The following STK32A variants were observed in gnomAD, a reference collection of about 807,000 sequenced individuals.
STK32A encodes serine/threonine kinase 32A, also known as serine/threonine-protein kinase 32A.
Under a neutral mutation model 53.2 loss-of-function variants are expected in STK32A, and 41 were observed. That is an observed-to-expected ratio of 0.77 (90% CI 0.60 to 1.00). The LOEUF (loss-of-function observed/expected upper bound fraction) is 1.00, where lower values mean the gene tolerates loss of function less well. Among genes scored for constraint, STK32A ranks in the 50% least tolerant of loss-of-function variants. STK32A has a pLI of 0.00. For synonymous variants in STK32A, 166 were observed against 162.8 expected, an observed-to-expected ratio of 1.02 and a Z score of -0.15; for missense variants, 458 against 485.8, an observed-to-expected ratio of 0.94 and a Z score of 0.54.
At chr5:147,350,055 G>A (rs1755885589) in intron 6 of STK32A, among the ~76,000 whole-genome samples, 1 of 151,442 alleles carries the variant, frequency 6.6e-6, no homozygotes, top group Non-Finnish European at 1.5e-5. Context: ...AGATTGCAGT[G>A]AGCCGAGAGC....
chr5:147,267,075 G>T (rs1242271673), intron 2 of STK32A, among the ~76,000 whole-genome samples: 1 of 150,220 alleles, frequency 6.7e-6, no homozygotes, highest in Non-Finnish European at 1.5e-5. Context: ...CTGAAACAAA[G>T]GTAATTCATC....
At chr5:147,268,019 G>A (rs1411649138) in intron 2 of STK32A, among the ~76,000 whole-genome samples, 1 of 152,056 alleles carries the variant, frequency 6.6e-6, no homozygotes, top group Non-Finnish European at 1.5e-5. Flanking sequence ...AGATTCCCAG[G>A]TCCAGCCTCC....
chr5:147,381,488 C>A (rs2152008229), intron 11 of STK32A, among the ~76,000 whole-genome samples: 1 of 151,960 alleles, frequency 6.6e-6, no homozygotes, highest in Admixed American at 6.6e-5. Context: ...ACTTAAAATT[C>A]AAAAATTAGC....
chr5:147,307,192 A>G (rs963902017), intron 4 of STK32A, among the ~76,000 whole-genome samples: 8 of 152,052 alleles, frequency 5.3e-5, no homozygotes, highest in Non-Finnish European at 1.5e-5. Context: ...CATATAAACT[A>G]TTTGCACAAT....
intron 7 of STK32A, among the ~76,000 whole-genome samples, chr5:147,359,471 A>T (rs1236476728): frequency 6.6e-6 from 1 of 152,188 alleles, no homozygotes; most frequent in Non-Finnish European, 1.5e-5. Context: ...ACTCATGTAA[A>T]CCCCAAGGAT....
chr5:147,262,920 G>A (rs904726006), intron 2 of STK32A, among the ~76,000 whole-genome samples: 1 of 152,114 alleles, frequency 6.6e-6, no homozygotes, highest in Non-Finnish European at 1.5e-5. Context: ...GAGGTGAAGG[G>A]GAAGAGCTAA....
In STK32A at chr5:147,321,808, C is replaced by T. The variant is rs148582994; in HGVS notation, c.261-2090C>T. 6.2e-4 allele frequency among the ~76,000 whole-genome samples: 95 copies of T among 152,294 alleles called. 1 individual carries two copies. Among genetic ancestry groups the T allele is most frequent in the African/African-American group, 2.2e-3 (93 of 41,560 alleles). ...GAGTGAATCACATCTGCTCTGTATG[C>T]TAACCCGGTCTGAGTAGGTGGTTTG... On this transcript the variant is annotated intron_variant, in intron 4 of 12. Coordinates refer to ENST00000397936, the MANE Select transcript of STK32A (RefSeq NM_001112724.2).
In STK32A at chr5:147,342,241, T is replaced by C. The variant is rs148542459; in HGVS notation, c.435-765T>C. 1.3e-3 allele frequency among the ~76,000 whole-genome samples: 204 copies of C among 152,308 alleles called. 1 individual carries two copies. Among genetic ancestry groups the C allele is most frequent in the African/African-American group, 4.7e-3 (196 of 41,562 alleles). ...TGACAGACCAAGTCTGTCAGCTTAC[T>C]CTTTACTTAAAAATATTAATGAGTA... On this transcript the variant is annotated intron_variant, in intron 5 of 12. Transcript: ENST00000397936.
intron 7 of STK32A, among the ~76,000 whole-genome samples, chr5:147,353,401 T>C (rs1756076945): frequency 6.6e-6 from 1 of 152,080 alleles, no homozygotes; most frequent in Non-Finnish European, 1.5e-5. Context: ...TTAGGCGAGC[T>C]CCTTATCCAG....
At chr5:147,401,715 AG>A in the STK32A span, 1 of 1,613,872 alleles carries the variant, frequency 6.2e-7, no homozygotes, top group Non-Finnish European at 8.5e-7. Context: ...GGCAGGAAAC[AG>A]ACAAGGGGTT....
chr5:147,377,804 G>C (rs915866060), intron 11 of STK32A, among the ~76,000 whole-genome samples: 1 of 151,966 alleles, frequency 6.6e-6, no homozygotes, highest in Middle Eastern at 3.2e-3. Context: ...GTGCTTTCCG[G>C]AGTTTTGACA....
intron 6 of STK32A, among the ~76,000 whole-genome samples, chr5:147,346,369 G>C (rs577982783): frequency 6.6e-6 from 1 of 152,244 alleles, no homozygotes; most frequent in African/African-American, 2.4e-5. Context: ...CCCCCTATGC[G>C]CATCCCTACA....
At position 147,345,823 on chromosome 5, in the gene STK32A, C is replaced by T. The variant is rs369296807; in HGVS notation, c.472+2780C>T. 1.4e-4 allele frequency among the ~76,000 whole-genome samples: 21 copies of T among 152,184 alleles called. No individual in the cohort carries two copies. In the South Asian group the frequency reaches 4.2e-3, roughly 30 times the overall value. On this transcript the variant is annotated intron_variant, in intron 6 of 12. Transcript: ENST00000397936. ...TATTTACAATGACTGCTTTCATTCT[C>T]AAGGCTTTTTAAAATTTGGTCAGTG...
chr5:147,252,782 A>G (rs769177350), intron 2 of STK32A, among the ~76,000 whole-genome samples: 5 of 152,030 alleles, frequency 3.3e-5, no homozygotes, highest in South Asian at 4.1e-4. Flanking sequence ...GTTTTTCACT[A>G]TATTTCTTGT....
At chr5:147,401,748 TGG>T in the STK32A span, 1 of 1,603,618 alleles carries the variant, frequency 6.2e-7, no homozygotes, top group Non-Finnish European at 8.5e-7. Context: ...TATGCTGCAC[TGG>T]GCCAAGCCTA....
intron 2 of STK32A, among the ~76,000 whole-genome samples, chr5:147,265,648 C>G (rs1197619692): frequency 6.6e-6 from 1 of 151,898 alleles, no homozygotes; most frequent in Non-Finnish European, 1.5e-5. Flanking sequence ...GGACTGAGTC[C>G]CAAGCTTCTT....
At chr5:147,348,365 C>G (rs971847994) in intron 6 of STK32A, among the ~76,000 whole-genome samples, 1 of 152,172 alleles carries the variant, frequency 6.6e-6, no homozygotes, top group African/African-American at 2.4e-5. Context: ...TAATCTCAAA[C>G]TTTATTAGGT....
chr5:147,394,223 A>G, the STK32A span: 7 of 1,202,812 alleles, frequency 5.8e-6, no homozygotes, highest in East Asian at 1.7e-4. Context: ...AGAGTGCAAG[A>G]TATGAAGTGC....
intron 6 of STK32A, among the ~76,000 whole-genome samples, chr5:147,349,776 C>T (rs952850487): frequency 2.0e-5 from 3 of 152,080 alleles, no homozygotes; most frequent in African/African-American, 7.2e-5. Flanking sequence ...ACCCAGGCCT[C>T]CTGGCTCCCA....
Sources: gnomAD v4.1 joint callset for allele counts (sites outside exome capture counted in the v4.1 genomes callset) on GRCh38, gnomAD v4.1.1 for gene constraint, MANE v1.5 for transcripts, NCBI Gene and HGNC (gene_info 2026-07-23, HGNC 2026-07-21) for gene names.